DEF8: variants seen among roughly 807,000 people sequenced by gnomAD.
DEF8 encodes the protein differentially expressed in FDCP 8 homolog, also known as DEF-8.
Under a neutral mutation model 59.1 loss-of-function variants are expected in DEF8, and 38 were observed. The observed-to-expected ratio is 0.64, with a 90% CI of 0.50 to 0.84. The LOEUF (loss-of-function observed/expected upper bound fraction) is 0.84. Among genes scored for constraint, DEF8 ranks in the 40% least tolerant of loss-of-function variants. DEF8 has a pLI of 0.00. For missense variants in DEF8, 557 were observed against 615.2 expected (o/e 0.91, Z 1.00); for synonymous variants, 265 against 250.1 (o/e 1.06, Z -0.56).
rs756836855 is a variant in DEF8 at position 89,964,226 on chromosome 16, C to G, written c.1059C>G (p.Leu353=). The part of the protein sequence containing the change: ...ENDEMYSVQD[L]LDVHAGRLGC... ...ACGAGATGTACTCTGTCCAGGACCT[C>G]CTGGACGTGCATGCCGGCCGCCTGG... Residue 353 remains leucine, a synonymous_variant, in exon 11 of 13, where the codon CTC becomes CTG. Transcript: ENST00000563594. The G allele has an allele frequency of 7.4e-6, 12 of 1,613,798 alleles. No homozygotes were observed. The highest frequency in any genetic ancestry group is 1.0e-5 in the Non-Finnish European group (12 of 1,179,880).
At chr16:89,951,322 T>A (rs748355550) in intron 2 of DEF8, among the ~76,000 whole-genome samples, 11 of 151,876 alleles carry the variant, frequency 7.2e-5, no homozygotes, top group Non-Finnish European at 1.3e-4. Context: ...AGTGGCTCAA[T>A]CTCGGCTCAC....
Position 89,954,464 on chromosome 16 carries a change from C to A in DEF8, c.124+88C>A, listed in dbSNP as rs1460798207. 6.9e-7 allele frequency: 1 copy of A among 1,458,888 alleles called. No individual in the cohort carries two copies. Among genetic ancestry groups the A allele is most frequent in the Non-Finnish European group, 9.3e-7 (1 of 1,077,752 alleles). 90.4% of individuals were successfully genotyped at this position (1,458,888 alleles called of 1,614,324 possible). ...TCCTTTCTTCCTGCCGCGTCCTGCGCAGCCCTGGCTTTCCCACGGAGCCGG... is the reference window on the plus strand; with the variant it reads ...TCCTTTCTTCCTGCCGCGTCCTGCGAAGCCCTGGCTTTCCCACGGAGCCGG... On this transcript the variant is annotated intron_variant, in intron 3 of 12. Coordinates refer to ENST00000563594, the MANE Select transcript of DEF8 (RefSeq NM_001242818.2). The surrounding 1 kb of genome is among the most constrained non-coding windows in gnomAD (Gnocchi z 4.3).
chr16:89,952,139 T>C (rs926602093), intron 2 of DEF8, among the ~76,000 whole-genome samples: 4 of 152,060 alleles, frequency 2.6e-5, no homozygotes, highest in Non-Finnish European at 4.4e-5. Context: ...GGCCTCCCAA[T>C]GTGCTGGGAT....
chr16:89,950,390 ATTTT>A (rs370010270), intron 2 of DEF8: 24 of 843,410 alleles, frequency 2.8e-5, no homozygotes, highest in African/African-American at 3.8e-5. Flanking sequence ...ATCAGGGCTG[ATTTT>A]TTTTTTTTTT....
chr16:89,961,280 TGAGGTTC>T (rs2033992912), intron 7 of DEF8, among the ~76,000 whole-genome samples, 185 bp downstream of exon 7: 2 of 152,190 alleles, frequency 1.3e-5, no homozygotes, highest in Non-Finnish European at 2.9e-5. Context: ...TGAAGCAGAC[TGAGGTTC>T]CAGCCGTTCC....
intron 6 of DEF8, 190 bp downstream of exon 6, chr16:89,959,345 GAAATT>G: frequency 6.9e-7 from 1 of 1,439,266 alleles, no homozygotes; most frequent in Non-Finnish European, 9.1e-7. Flanking sequence ...TTCTGGATGA[GAAATT>G]AAACTAGTGA....
In DEF8 at chr16:89,955,263, T is replaced by C. The variant is rs776609019; in HGVS notation, c.219T>C (p.Pro73=). 1.9e-6 allele frequency: 3 copies of C among 1,613,168 alleles called. No individual in the cohort carries two copies. Among genetic ancestry groups the C allele is most frequent in the East Asian group, 2.2e-5 (1 of 44,852 alleles). ...TGTCTGAGGACCACTTCTCCCGCCC[T>C]GTGGTAAGGTTTTAGATCTCGGAGG... The part of the protein sequence containing the change: ...LGLSEDHFSR[P]VGLFLASDVQ... Residue 73 remains proline (P), a synonymous_variant, in exon 4 of 13, where the codon CCT becomes CCC. Coordinates refer to ENST00000563594, the MANE Select transcript of DEF8 (RefSeq NM_001242818.2).
rs75376170 is a variant in DEF8 at position 89,961,715 on chromosome 16, C to T, written c.680-22C>T. 2.1e-3 allele frequency: 3,373 copies of T among 1,611,870 alleles called. 75 individuals are homozygous for T. The African/African-American group carries it at 0.04, about 19-fold the overall frequency. On this transcript the variant is annotated intron_variant, in intron 7 of 12. Coordinates refer to ENST00000563594, the MANE Select transcript of DEF8 (RefSeq NM_001242818.2). ...GGGGTTTTTGTGAGGCAGGGACACT[C>T]AGGGCCCCTCTGACCCTGCAGGGGG...
At chr16:89,949,542 C>T (rs1366726192) in intron 2 of DEF8, 29 bp downstream of exon 2, 4 of 1,613,342 alleles carry the variant, frequency 2.5e-6, no homozygotes, top group Non-Finnish European at 3.4e-6. Context: ...CTGTTGACTC[C>T]GCACACCGGG....
At chr16:89,949,338 AGGAGCCCG>A in intron 1 of DEF8, 71 bp from the exon 2 acceptor site, 1 of 1,183,796 alleles carries the variant, frequency 8.4e-7, no homozygotes, top group Non-Finnish European at 1.2e-6. Flanking sequence ...CCTGCCCCCG[AGGAGCCCG>A]GGAGACCGGG....
Position 89,954,864 on chromosome 16 carries a change from G to A in DEF8, c.125-305G>A, listed in dbSNP as rs939972032. 1.3e-5 allele frequency among the ~76,000 whole-genome samples: 2 copies of A among 152,134 alleles called. No homozygotes were observed. The highest frequency in any genetic ancestry group is 2.9e-5 in the Non-Finnish European group (2 of 68,010). On this transcript the variant is annotated intron_variant, in intron 3 of 12. Transcript: ENST00000563594. This position sits in a 1 kb window ranked among gnomAD's most constrained non-coding sequence, Gnocchi z 4.3. ...GTTTTTCTCTCGCCCCCGTGGTCAC[G>A]CATGAGGTGTCCACCTTAGAAATGG...
rs962142692 is a variant in DEF8 at position 89,967,428 on chromosome 16, T to C, written c.*1465T>C. 4 of 398,558 alleles carry C rather than the reference T, an allele frequency of 1.0e-5. No individual in the cohort carries two copies. The highest frequency in any genetic ancestry group is 4.4e-5 in the Admixed American group (1 of 22,706). The allele number at this position is 398,558 out of a possible 1,614,324, so 24.7% of individuals were successfully genotyped here. A position where few individuals can be genotyped will look rare whatever the true frequency, so the allele number is the denominator to read the frequency against. ...GAAGGGGATGGTGTCCACTCCCCAC[T>C]GTGGTGGCTTTAGGCAAGGTTCTTA... On this transcript the variant is annotated 3_prime_UTR_variant, in exon 13 of 13. Coordinates refer to ENST00000563594, the MANE Select transcript of DEF8 (RefSeq NM_001242818.2).
At position 89,948,788 on chromosome 16, in the gene DEF8, G is replaced by T; in HGVS notation, c.-134G>T. 3.0e-6 allele frequency: 3 copies of T among 984,056 alleles called. No homozygotes were observed. Among genetic ancestry groups the T allele is most frequent in the Non-Finnish European group, 3.6e-6 (3 of 829,454 alleles). 61.0% of individuals were successfully genotyped at this position (984,056 alleles called of 1,614,324 possible). On this transcript the variant is annotated 5_prime_UTR_variant, in exon 1 of 13. Coordinates refer to ENST00000563594, the MANE Select transcript of DEF8 (RefSeq NM_001242818.2). The stretch of plus-strand genomic sequence containing the variant: ...GCGGCCGGGCGGATCCAGCGCAGCC[G>T]GGAGACAGATGCGAGGCGGCGGTCA...
chr16:89,958,097 C>T (rs1320880102), intron 5 of DEF8: 2 of 161,862 alleles, frequency 1.2e-5, no homozygotes, highest in African/African-American at 4.8e-5. Flanking sequence ...ATGACAGCTG[C>T]CTTTTCACAG....
chr16:89,964,548 G>A lies in DEF8; in HGVS notation c.1226G>A (p.Cys409Tyr). The change falls in exon 12 of 13, where the codon TGC (cysteine) becomes TAC (tyrosine). Residue 409 changes from cysteine (C) to tyrosine (Y), a missense_variant. Physicochemically the swap from Cys to Tyr is radical, Grantham distance 194. Transcript: ENST00000563594. ...CCGTTCGACAGCCACACGTCTGTGT[G>A]CGCCGACTGCTCCGCGGTCTTCCAC... ...LFPFDSHTSV[C>Y]ADCSAVFHRD... 6.3e-7 allele frequency: 1 copy of A among 1,585,482 alleles called. No individual in the cohort carries two copies. The highest frequency in any genetic ancestry group is 8.6e-7 in the Non-Finnish European group (1 of 1,167,056).
intron 3 of DEF8, among the ~76,000 whole-genome samples, 166 bp from the exon 4 acceptor site, chr16:89,955,003 G>A (rs186730946): frequency 1.3e-5 from 2 of 152,154 alleles, no homozygotes; most frequent in Middle Eastern, 3.2e-3. Flanking sequence ...TGTGAATGCA[G>A]ACTGGACGGT....
At position 89,963,790 on chromosome 16, in the gene DEF8, A is replaced by G. The variant is rs1322741846; in HGVS notation, c.1002+347A>G. The G allele has an allele frequency of 6.1e-6, 3 of 489,050 alleles. No homozygotes were observed. In the East Asian group the frequency reaches 1.1e-4, roughly 18 times the overall value. 30.3% of individuals were successfully genotyped at this position (489,050 alleles called of 1,614,324 possible). A position where few individuals can be genotyped will look rare whatever the true frequency, so the allele number is the denominator to read the frequency against. On this transcript the variant is annotated intron_variant, in intron 10 of 12. Coordinates refer to ENST00000563594, the MANE Select transcript of DEF8 (RefSeq NM_001242818.2). ...TTCTGGAACAGTGAACGAAACAGAC[A>G]GGAATGCTTGCCCTTAGTGCCTTTC...
intron 3 of DEF8, 46 bp from the exon 4 acceptor site, chr16:89,955,123 A>G (rs771598918): frequency 6.8e-7 from 1 of 1,467,110 alleles, no homozygotes; most frequent in South Asian, 1.1e-5. Context: ...GATGGGAGGC[A>G]GGAGGTAGCA....
intron 3 of DEF8, 116 bp from the exon 4 acceptor site, chr16:89,955,053 T>A (rs2032910745): frequency 1.3e-6 from 1 of 777,402 alleles, no homozygotes; most frequent in African/African-American, 1.7e-5. Context: ...CGGTGCCTCC[T>A]TTCTGTGCGG....
Sources: gnomAD v4.1 joint callset for allele counts (sites outside exome capture counted in the v4.1 genomes callset) on GRCh38, gnomAD v4.1.1 for gene constraint, Gnocchi (gnomAD v3.1) non-coding constraint, MANE v1.5 for transcripts, NCBI Gene and HGNC (gene_info 2026-07-23, HGNC 2026-07-21) for gene names.